Variants in CACNA1A observed in about 807,000 individuals in gnomAD.
CACNA1A encodes voltage-dependent P/Q-type calcium channel subunit alpha-1A.
CACNA1A carries 57 observed loss-of-function variants against 262.4 expected under a neutral mutation model. That is an observed-to-expected ratio of 0.22 (90% CI 0.18 to 0.27). The LOEUF is 0.27. Among genes scored for constraint, CACNA1A ranks in the 10% least tolerant of loss-of-function variants. The pLI is 1.00. For missense variants in CACNA1A, 2,526 were observed against 3,562.8 expected (o/e 0.71, Z 7.41); for synonymous variants, 1,431 against 1,419.3 (o/e 1.01, Z -0.18).
At chr19:13,474,367 A>G (rs964925280) in intron 1 of CACNA1A, among the ~76,000 whole-genome samples, 1 of 152,230 alleles carries the variant, frequency 6.6e-6, no homozygotes, top group African/African-American at 2.4e-5. Context: ...ATTTGCGACT[A>G]TGGCCGATTC....
intron 1 of CACNA1A, among the ~76,000 whole-genome samples, chr19:13,492,019 C>G (rs1316346874): frequency 6.6e-6 from 1 of 152,144 alleles, no homozygotes; most frequent in African/African-American, 2.4e-5. Context: ...ACAATGCAGG[C>G]ACTAATGTTA....
At chr19:13,309,904 T>A (rs2057984133) in intron 12 of CACNA1A, among the ~76,000 whole-genome samples, 1 of 152,090 alleles carries the variant, frequency 6.6e-6, no homozygotes, top group Admixed American at 6.6e-5. Context: ...TCTGCAACTA[T>A]CACCTCTATC....
At chr19:13,496,802 T>C (rs1981586594) in intron 1 of CACNA1A, among the ~76,000 whole-genome samples, 1 of 152,176 alleles carries the variant, frequency 6.6e-6, no homozygotes. Context: ...AGTCCATCCA[T>C]CTATCCACTC....
At chr19:13,261,184 G>C (rs989982374) in intron 26 of CACNA1A, 18 of 374,950 alleles carry the variant, frequency 4.8e-5, no homozygotes, top group African/African-American at 3.3e-4. Context: ...AGGAACTGTG[G>C]ATGTGTATTA....
At chr19:13,404,781 A>C (rs1018478872) in intron 3 of CACNA1A, among the ~76,000 whole-genome samples, 1 of 152,172 alleles carries the variant, frequency 6.6e-6, no homozygotes, top group Non-Finnish European at 1.5e-5. Context: ...CTAAACGTGA[A>C]CCATCCCTGA....
intron 1 of CACNA1A, among the ~76,000 whole-genome samples, chr19:13,495,591 A>G (rs756046765): frequency 2.6e-5 from 4 of 152,152 alleles, no homozygotes; most frequent in Non-Finnish European, 4.4e-5. Context: ...GATTTTTACA[A>G]AAGTGTGCAA....
Position 13,261,633 on chromosome 19 carries a change from A to G in CACNA1A, c.4090-23T>C, listed in dbSNP as rs748130189. On this transcript the variant is annotated intron_variant, in intron 25 of 46. Coordinates refer to ENST00000360228, the MANE Select transcript of CACNA1A (RefSeq NM_001127222.2). ...AGCCTGTGGGGTGGAGTTGACAGAGAGCATGAGGGGCTGGGGACCTGCCCA... is the reference window on the plus strand; with the variant it reads ...AGCCTGTGGGGTGGAGTTGACAGAGGGCATGAGGGGCTGGGGACCTGCCCA... 7.5e-6 allele frequency: 12 copies of G among 1,602,178 alleles called. No homozygotes were observed. In the Admixed American group the frequency reaches 8.7e-5, roughly 12 times the overall value.
At chr19:13,416,631 T>C (rs2060227679) in intron 3 of CACNA1A, among the ~76,000 whole-genome samples, 2 of 151,824 alleles carry the variant, frequency 1.3e-5, no homozygotes, top group Admixed American at 6.6e-5. Context: ...CTGGCCGACA[T>C]GGTAAAACCT....
chr19:13,293,569 C>A (rs945359435), intron 19 of CACNA1A, among the ~76,000 whole-genome samples: 1 of 150,214 alleles, frequency 6.7e-6, no homozygotes, highest in African/African-American at 2.4e-5. Context: ...ACCTCAGCCT[C>A]CCGAGTAGCT....
chr19:13,231,352 C>T (rs1273826715), intron 35 of CACNA1A, among the ~76,000 whole-genome samples: 1 of 151,996 alleles, frequency 6.6e-6, no homozygotes, highest in East Asian at 1.9e-4. Flanking sequence ...GGAATTCTGG[C>T]CCCCACTCCC....
At chr19:13,457,778 G>A (rs1288795400) in intron 1 of CACNA1A, among the ~76,000 whole-genome samples, 10 of 151,888 alleles carry the variant, frequency 6.6e-5, no homozygotes, top group African/African-American at 9.7e-5. Context: ...GCTTGAACCC[G>A]GGAGGCGGAG....
intron 1 of CACNA1A, among the ~76,000 whole-genome samples, chr19:13,484,071 T>G (rs893040108): frequency 6.6e-6 from 1 of 152,164 alleles, no homozygotes; most frequent in African/African-American, 2.4e-5. Flanking sequence ...GGGATTGGGC[T>G]GAAAGTCCAG....
intron 1 of CACNA1A, among the ~76,000 whole-genome samples, chr19:13,500,277 G>A (rs1006324573): frequency 3.3e-5 from 5 of 152,166 alleles, no homozygotes; most frequent in Non-Finnish European, 7.3e-5. Flanking sequence ...CCACACACTG[G>A]GGTTGCAGTG....
intron 30 of CACNA1A, among the ~76,000 whole-genome samples, chr19:13,248,699 C>T (rs900250179): frequency 1.3e-5 from 2 of 151,918 alleles, no homozygotes; most frequent in East Asian, 1.9e-4. Context: ...AAAAATTAGC[C>T]GGGCGTGATG....
Position 13,365,667 on chromosome 19 carries a change from T to C in CACNA1A, c.632-198A>G, listed in dbSNP as rs569487998. On this transcript the variant is annotated intron_variant, in intron 4 of 46. Coordinates refer to ENST00000360228, the MANE Select transcript of CACNA1A (RefSeq NM_001127222.2). ...TCCTTATCATGGGAACAACACTTCC[T>C]AGGTTTTTTTTTTCCTTTGAGACAG... is the stretch of plus-strand genomic sequence containing the variant. 82 of 502,618 alleles carry C rather than the reference T, an allele frequency of 1.6e-4. 1 individual carries two copies. In the South Asian group the frequency reaches 2.6e-3, roughly 16 times the overall value. The allele number at this position is 502,618 out of a possible 1,614,324, so 31.1% of individuals were successfully genotyped here.
intron 4 of CACNA1A, 47 bp from the exon 5 acceptor site, chr19:13,365,516 C>A (rs1167848677): frequency 1.9e-6 from 3 of 1,571,348 alleles, no homozygotes; most frequent in African/African-American, 2.7e-5. Context: ...AGCAAGTACC[C>A]CCAAACCCCG....
chr19:13,332,047 A>G (rs1213473395), intron 9 of CACNA1A, among the ~76,000 whole-genome samples: 1 of 151,974 alleles, frequency 6.6e-6, no homozygotes, highest in African/African-American at 2.4e-5. Flanking sequence ...CTGTCCCCTG[A>G]CTCCCAGCTA....
At chr19:13,245,493 G>T (rs369117135) in intron 30 of CACNA1A, 10 of 552,686 alleles carry the variant, frequency 1.8e-5, no homozygotes, top group African/African-American at 1.3e-4. Flanking sequence ...CCCAGAGGGG[G>T]CCTCCAGACC....
At chr19:13,440,517 T>C (rs748804449) in intron 3 of CACNA1A, among the ~76,000 whole-genome samples, 2 of 152,238 alleles carry the variant, frequency 1.3e-5, no homozygotes, top group Non-Finnish European at 2.9e-5. Flanking sequence ...ATCATCATTA[T>C]AATGATAGTT....
Sources: allele counts gnomAD v4.1 joint callset (sites outside exome capture counted in the v4.1 genomes callset), GRCh38; gene constraint gnomAD v4.1.1; transcripts MANE v1.5; gene names NCBI Gene and HGNC (gene_info 2026-07-23, HGNC 2026-07-21).